Variants in PCDHA2 observed in about 807,000 individuals in gnomAD.
PCDHA2 encodes the protein protocadherin alpha 2.
Under a neutral mutation model 66.0 loss-of-function variants are expected in PCDHA2, and 58 were observed. The observed-to-expected ratio is 0.88, with a 90% CI of 0.71 to 1.09. The LOEUF (loss-of-function observed/expected upper bound fraction) is 1.09. PCDHA2 is among the 50% of genes least tolerant of loss of function. PCDHA2 has a pLI of 0.00. For synonymous variants in PCDHA2, 634 were observed against 554.0 expected (o/e 1.14, Z -2.03); for missense variants, 1,267 against 1,242.3 (o/e 1.02, Z -0.30).
At chr5:140,825,517 C>A (rs1236506485) in intron 1 of PCDHA2, 1 of 151,028 alleles carries the variant, frequency 6.6e-6, no homozygotes, top group Non-Finnish European at 1.5e-5. Context: ...CTTGGCCTCC[C>A]AGGTTCAAGC....
intron 1 of PCDHA2, among the ~76,000 whole-genome samples, chr5:140,820,599 C>T (rs1446316781): frequency 6.6e-6 from 1 of 151,894 alleles, no homozygotes; most frequent in Non-Finnish European, 1.5e-5. Context: ...ACTAAATTTT[C>T]TAGGTCGTGT....
At chr5:140,984,987 G>C (rs1034950978) in intron 3 of PCDHA2, among the ~76,000 whole-genome samples, 7 of 152,028 alleles carry the variant, frequency 4.6e-5, no homozygotes, top group Admixed American at 2.0e-4. Flanking sequence ...CCCCAGGCTG[G>C]AGTCCAGTGG....
At chr5:140,856,822 A>G (rs1554149161) in intron 1 of PCDHA2, 4 of 1,593,030 alleles carry the variant, frequency 2.5e-6, no homozygotes, top group Non-Finnish European at 1.7e-6. Flanking sequence ...TGAACCAAAC[A>G]TTAGTAATAC....
chr5:140,987,005 T>C (rs1587197864), intron 3 of PCDHA2, among the ~76,000 whole-genome samples: 1 of 152,008 alleles, frequency 6.6e-6, no homozygotes. Context: ...CTTGAGGTCA[T>C]GAGTTCGAGA....
Position 140,855,115 on chromosome 5 carries a change from T to G in PCDHA2, c.2388+57763T>G, listed in dbSNP as rs1220920177. On this transcript the variant is annotated intron_variant, in intron 1 of 3. Coordinates refer to ENST00000526136, the MANE Select transcript of PCDHA2 (RefSeq NM_018905.3). ...TGTGCAGTAGCAATAATTAAGGCAT[T>G]CTATAGGTAATAATTTTGCCTGATG... 1.3e-5 allele frequency among the ~76,000 whole-genome samples: 2 copies of G among 149,816 alleles called. 1 individual carries two copies. The highest frequency in any genetic ancestry group is 3.0e-5 in the Non-Finnish European group (2 of 67,072).
rs2150360253 is a variant in PCDHA2, at chr5:140,843,448, C to T, written c.2388+46096C>T. ...TCATCGCCATCTGCGCGGTATCCAGCCTGCTGGTGCTCACGCTGCTGCTGT... is the reference window on the plus strand; with the variant it reads ...TCATCGCCATCTGCGCGGTATCCAGTCTGCTGGTGCTCACGCTGCTGCTGT... On this transcript the variant is annotated intron_variant, in intron 1 of 3. Transcript: ENST00000526136. The T allele has an allele frequency of 1.9e-6, 3 of 1,595,998 alleles. No homozygotes were observed. The South Asian group carries it at 3.3e-5, about 18-fold the overall frequency.
intron 1 of PCDHA2, among the ~76,000 whole-genome samples, chr5:140,908,977 A>T (rs1461491727): frequency 6.6e-6 from 1 of 152,168 alleles, no homozygotes; most frequent in Non-Finnish European, 1.5e-5. Context: ...GCCCCACTCC[A>T]CTGGACCCCT....
At chr5:140,950,976 A>G (rs543425095) in intron 1 of PCDHA2, among the ~76,000 whole-genome samples, 188 of 151,348 alleles carry the variant, frequency 1.2e-3, no homozygotes, top group African/African-American at 4.3e-3. Flanking sequence ...AGATTCATTG[A>G]CTTTTGCCTC....
At chr5:140,871,250 T>G (rs1412384009) in intron 1 of PCDHA2, 3 of 1,613,976 alleles carry the variant, frequency 1.9e-6, no homozygotes, top group Non-Finnish European at 2.5e-6. Context: ...ACGCTGCTGC[T>G]GTATACGGCG....
intron 1 of PCDHA2, chr5:140,875,642 C>A: frequency 6.2e-7 from 1 of 1,613,606 alleles, no homozygotes; most frequent in Non-Finnish European, 8.5e-7. Flanking sequence ...CTGGAGCTGG[C>A]GGAGCTGGTG....
At chr5:140,826,404 G>T (rs1027419773) in intron 1 of PCDHA2, among the ~76,000 whole-genome samples, 2 of 152,092 alleles carry the variant, frequency 1.3e-5, no homozygotes, top group Non-Finnish European at 2.9e-5. Context: ...ATAGATCCAG[G>T]TTAATTATTT....
chr5:141,004,414 C>A (rs2153980954), intron 3 of PCDHA2, among the ~76,000 whole-genome samples: 1 of 152,330 alleles, frequency 6.6e-6, no homozygotes, highest in Non-Finnish European at 1.5e-5. Context: ...CTGACTAGAT[C>A]TCTGCCTCCT....
At chr5:140,808,922 G>A (rs782455168) in intron 1 of PCDHA2, 35 of 1,613,564 alleles carry the variant, frequency 2.2e-5, no homozygotes, top group Middle Eastern at 1.6e-4. Flanking sequence ...CGCAGTGAGC[G>A]AGCTGGTGCC....
Position 140,795,338 on chromosome 5 carries a change from A to C in PCDHA2, c.374A>C (p.Asp125Ala), listed in dbSNP as rs1036932666. The C allele has an allele frequency of 1.2e-6, 2 of 1,614,196 alleles. No individual in the cohort carries two copies. Among genetic ancestry groups the C allele is most frequent in the Non-Finnish European group, 1.7e-6 (2 of 1,180,028 alleles). ...QVFHVEVEVKDINDNPPIFPM... is the reference protein window; with the variant it reads ...QVFHVEVEVKAINDNPPIFPM... ...TTCCATGTGGAAGTGGAGGTGAAGGACATTAACGACAACCCGCCAATATTT... is the reference window on the plus strand; with the variant it reads ...TTCCATGTGGAAGTGGAGGTGAAGGCCATTAACGACAACCCGCCAATATTT... The change falls in exon 1 of 4, where the codon GAC becomes GCC. Residue 125 changes from aspartate to alanine, a missense_variant. Transcript: ENST00000526136.
At chr5:140,836,278 G>T (rs1774328850) in intron 1 of PCDHA2, 3 of 1,613,796 alleles carry the variant, frequency 1.9e-6, no homozygotes, top group Middle Eastern at 1.6e-4. Context: ...GGTGAGATCA[G>T]CACGACACGA....
At chr5:140,835,189 T>C in intron 1 of PCDHA2, 2 of 1,537,800 alleles carry the variant, frequency 1.3e-6, no homozygotes, top group Non-Finnish European at 8.8e-7. Flanking sequence ...GCCTCAGATT[T>C]AGACGAAGGC....
At chr5:140,903,917 T>C (rs2070714744) in intron 1 of PCDHA2, among the ~76,000 whole-genome samples, 1 of 152,258 alleles carries the variant, frequency 6.6e-6, no homozygotes, top group Non-Finnish European at 1.5e-5. Flanking sequence ...GTGACTTCCT[T>C]GCTGCATTGG....
At position 140,889,293 on chromosome 5, in the gene PCDHA2, T is replaced by C. The variant is rs1051889855; in HGVS notation, c.2389-89656T>C. 3.3e-5 allele frequency among the ~76,000 whole-genome samples: 5 copies of C among 152,196 alleles called. No individual in the cohort carries two copies. The South Asian group carries it at 6.2e-4, about 19-fold the overall frequency. The stretch of plus-strand genomic sequence containing the variant: ...ATCTTTGAATTACTTCTTATTTGAT[T>C]GGAGAACTCACTGTTGAAGTTATCT... On this transcript the variant is annotated intron_variant, in intron 1 of 3. Transcript: ENST00000526136.
intron 1 of PCDHA2, chr5:140,861,648 T>C (rs1380826146): frequency 1.0e-5 from 3 of 287,022 alleles, no homozygotes; most frequent in African/African-American, 6.6e-5. Context: ...AAAGAATCTG[T>C]TTCTGAAACG....
Sources: gnomAD v4.1 joint callset for allele counts (sites outside exome capture counted in the v4.1 genomes callset) on GRCh38, gnomAD v4.1.1 for gene constraint, MANE v1.5 for transcripts, NCBI Gene and HGNC (gene_info 2026-07-23, HGNC 2026-07-21) for gene names.